The following DNAH7 variants were observed in gnomAD, a reference collection of about 807,000 sequenced individuals.
The protein encoded by DNAH7 is dynein axonemal heavy chain 7, also known as axonemal beta dynein heavy chain 7.
DNAH7 carries 397 observed loss-of-function variants against 444.6 expected under a neutral mutation model. The observed-to-expected ratio is 0.89, with a 90% CI of 0.82 to 0.97. The LOEUF is 0.97. Among genes scored for constraint, DNAH7 ranks in the 50% least tolerant of loss-of-function variants. The probability of loss-of-function intolerance (pLI) is 0.00; values close to 1 mark genes in which losing one functional copy is unlikely to be tolerated. For missense variants in DNAH7, 4,902 were observed against 4,800.8 expected (o/e 1.02, Z -0.62); for synonymous variants, 1,636 against 1,624.4 (o/e 1.01, Z -0.17).
chr2:195,919,975 G>A (rs1461847640), intron 24 of DNAH7, among the ~76,000 whole-genome samples: 3 of 152,128 alleles, frequency 2.0e-5, no homozygotes, highest in Non-Finnish European at 4.4e-5. Flanking sequence ...TACAGATATG[G>A]GGTCTTCAAG....
At position 195,969,972 on chromosome 2, in the gene DNAH7, T is replaced by C. The variant is rs774020579; in HGVS notation, c.2181A>G (p.Gly727=). The stretch of plus-strand genomic sequence containing the variant: ...CCTTATCTGCAGCTAAATCCAACTT[T>C]CCATTCAGTATTTGAGCCTTTTTTA... ...RYLKKAQILN[G]KLDLAADKIE... Residue 727 remains glycine (G), a synonymous_variant, in exon 17 of 65, where the codon GGA becomes GGG. Transcript: ENST00000312428. 3.7e-6 allele frequency: 6 copies of C among 1,607,088 alleles called. No individual in the cohort carries two copies. The highest frequency in any genetic ancestry group is 5.1e-6 in the Non-Finnish European group (6 of 1,178,396).
intron 61 of DNAH7, 89 bp downstream of exon 61, chr2:195,771,571 T>C: frequency 5.2e-6 from 5 of 968,198 alleles, no homozygotes; most frequent in Non-Finnish European, 8.1e-6. Context: ...ACAGTGCTTA[T>C]ACAGTATTTG....
Position 195,872,249 on chromosome 2 carries a change from C to T in DNAH7, c.6633+1G>A, listed in dbSNP as rs1700754001. 1.2e-6 allele frequency: 2 copies of T among 1,602,690 alleles called. No homozygotes were observed. The highest frequency in any genetic ancestry group is 3.4e-5 in the Admixed American group (2 of 59,332). ...CCCATTTCAATAACAGGAAAATTTA[C>T]CTCATGAACCCAAAGACGTTTAATC... On this transcript the variant is annotated splice_donor_variant, in intron 40 of 64. Coordinates refer to ENST00000312428, the MANE Select transcript of DNAH7 (RefSeq NM_018897.3). LOFTEE classifies it high-confidence loss of function.
intron 10 of DNAH7, among the ~76,000 whole-genome samples, chr2:196,006,210 G>T (rs773401473): frequency 4.6e-5 from 7 of 151,994 alleles, no homozygotes; most frequent in Non-Finnish European, 7.4e-5. Flanking sequence ...GGGGGATAAG[G>T]CACAAGAAAC....
At chr2:195,896,566 A>C (rs1702331338) in intron 29 of DNAH7, among the ~76,000 whole-genome samples, 1 of 152,182 alleles carries the variant, frequency 6.6e-6, no homozygotes, top group Non-Finnish European at 1.5e-5. Context: ...CGTAGAAGCA[A>C]GTGGACTTCA....
At chr2:196,029,217 G>A (rs545843788) in intron 5 of DNAH7, among the ~76,000 whole-genome samples, 5 of 152,120 alleles carry the variant, frequency 3.3e-5, no homozygotes, top group African/African-American at 1.2e-4. Context: ...TGGGTTCAGA[G>A]TCTGCCACCA....
intron 64 of DNAH7, among the ~76,000 whole-genome samples, 141 bp downstream of exon 64, chr2:195,740,613 GTGTATATATATA>G (rs61427755): frequency 0.031 from 2,204 of 70,030 alleles, 32 homozygotes; most frequent in African/African-American, 0.083. Flanking sequence ...GTGTGTGTGT[GTGTATATATATA>G]TATATATATA....
At chr2:196,067,026 T>TC (rs1698465359) in intron 1 of DNAH7, among the ~76,000 whole-genome samples, 2 of 152,198 alleles carry the variant, frequency 1.3e-5, no homozygotes, top group Admixed American at 6.5e-5. Context: ...GGAAATCATG[T>TC]CCATTCTTTT....
chr2:195,906,814 T>C (rs772150383), intron 26 of DNAH7, 28 bp from the exon 27 acceptor site: 1 of 1,612,392 alleles, frequency 6.2e-7, no homozygotes, highest in Middle Eastern at 1.7e-4. Flanking sequence ...TGAAATGACT[T>C]AGTAATACCA....
intron 38 of DNAH7, among the ~76,000 whole-genome samples, chr2:195,875,209 G>A (rs1700978210): frequency 6.6e-6 from 1 of 152,164 alleles, no homozygotes. Flanking sequence ...GACTTGAATG[G>A]GACTTGATTT....
intron 24 of DNAH7, among the ~76,000 whole-genome samples, chr2:195,914,443 C>A (rs1687546567): frequency 6.6e-6 from 1 of 152,178 alleles, no homozygotes; most frequent in African/African-American, 2.4e-5. Flanking sequence ...GTGTTAGATC[C>A]TGTATAGGTT....
chr2:196,052,487 T>C (rs1340248011), intron 2 of DNAH7, among the ~76,000 whole-genome samples: 2 of 152,268 alleles, frequency 1.3e-5, no homozygotes, highest in African/African-American at 4.8e-5. Flanking sequence ...GTTTATATAT[T>C]GATTAGAGCA....
intron 54 of DNAH7, among the ~76,000 whole-genome samples, chr2:195,800,532 T>C (rs1696394262): frequency 6.6e-6 from 1 of 152,176 alleles, no homozygotes; most frequent in Admixed American, 6.6e-5. Context: ...TAAAAATGCT[T>C]CTCCCTGAAC....
At chr2:195,925,153 G>A (rs1688253405) in intron 22 of DNAH7, among the ~76,000 whole-genome samples, 1 of 151,210 alleles carries the variant, frequency 6.6e-6, no homozygotes, top group Non-Finnish European at 1.5e-5. Context: ...TTTTTTTTAA[G>A]AAAGATCAGT....
intron 57 of DNAH7, among the ~76,000 whole-genome samples, chr2:195,789,279 T>G (rs1366555975): frequency 6.6e-6 from 1 of 151,380 alleles, no homozygotes; most frequent in Non-Finnish European, 1.5e-5. Flanking sequence ...AGTATAGCAA[T>G]GAAAATACTT....
chr2:195,899,581 A>G (rs970614030), intron 28 of DNAH7, among the ~76,000 whole-genome samples: 5 of 152,222 alleles, frequency 3.3e-5, no homozygotes, highest in African/African-American at 1.2e-4. Context: ...TAACATTATT[A>G]TGGAAGATAA....
At chr2:196,012,384 C>T (rs956140946) in intron 10 of DNAH7, among the ~76,000 whole-genome samples, 4 of 152,098 alleles carry the variant, frequency 2.6e-5, no homozygotes, top group African/African-American at 9.7e-5. Flanking sequence ...ACTTTCCCCA[C>T]TTAACCATTC....
At chr2:195,977,997 G>T (rs571301520) in intron 15 of DNAH7, among the ~76,000 whole-genome samples, 2 of 152,254 alleles carry the variant, frequency 1.3e-5, no homozygotes, top group East Asian at 3.9e-4. Context: ...GAATATTAAA[G>T]GGAGTTCTTC....
chr2:195,822,919 A>G (rs1470949234), intron 49 of DNAH7, among the ~76,000 whole-genome samples: 1 of 152,208 alleles, frequency 6.6e-6, no homozygotes, highest in Non-Finnish European at 1.5e-5. Context: ...TAACACTCAT[A>G]GTAATACTAT....
Sources: gnomAD v4.1 joint callset for allele counts (sites outside exome capture counted in the v4.1 genomes callset) on GRCh38, gnomAD v4.1.1 for gene constraint, MANE v1.5 for transcripts, NCBI Gene and HGNC (gene_info 2026-07-23, HGNC 2026-07-21) for gene names.